Variants in FIZ1 observed in about 807,000 individuals in gnomAD.
FIZ1 encodes FLT3 interacting zinc finger 1, also known as flt3-interacting zinc finger protein 1.
Under a neutral mutation model 5.3 loss-of-function variants are expected in FIZ1, and 2 were observed. The observed-to-expected ratio is 0.37, with a 90% CI of 0.15 to 1.18. The LOEUF (loss-of-function observed/expected upper bound fraction) is 1.18, where lower values mean the gene tolerates loss of function less well. Among genes scored for constraint, FIZ1 ranks in the 50% most tolerant of loss-of-function variants. The probability of loss-of-function intolerance (pLI) is 0.37; values close to 1 mark genes in which losing one functional copy is unlikely to be tolerated. For synonymous variants in FIZ1, 407 were observed against 364.2 expected, an observed-to-expected ratio of 1.12 and a Z score of -1.34; for missense variants, 631 against 749.7, an observed-to-expected ratio of 0.84 and a Z score of 1.85.
At position 55,592,166 on chromosome 19, in the gene FIZ1, A is replaced by G; in HGVS notation, c.*284T>C. The G allele has an allele frequency of 2.2e-6, 1 of 457,572 alleles. No homozygotes were observed. The highest frequency in any genetic ancestry group is 4.0e-5 in the South Asian group (1 of 25,232). The allele number at this position is 457,572 out of a possible 1,614,324, so 28.3% of individuals were successfully genotyped here. On this transcript the variant is annotated 3_prime_UTR_variant, in exon 3 of 3. Coordinates refer to ENST00000221665, the MANE Select transcript of FIZ1 (RefSeq NM_032836.3). The surrounding 1 kb of genome is among the most constrained non-coding windows in gnomAD (Gnocchi z 6.9). Reference sequence around the variant, plus strand: ...CAAAGTCCCCATGTCTTGGGGACTTACGGCTACCCACACTCATTCCAGGGA... The same window carrying G: ...CAAAGTCCCCATGTCTTGGGGACTTGCGGCTACCCACACTCATTCCAGGGA...
At chr19:55,594,696 CAAAAAAAAAAAAAA>C (rs71181796) in intron 2 of FIZ1, among the ~76,000 whole-genome samples, 2 of 86,960 alleles carry the variant, frequency 2.3e-5, no homozygotes, top group Non-Finnish European at 4.5e-5. Context: ...GACTCTGTCT[CAAAAAAAAAAAAAA>C]AAAAAAAAGA....
At position 55,592,327 on chromosome 19, in the gene FIZ1, T is replaced by G; in HGVS notation, c.*123A>C. On this transcript the variant is annotated 3_prime_UTR_variant, in exon 3 of 3. Coordinates refer to ENST00000221665, the MANE Select transcript of FIZ1 (RefSeq NM_032836.3). This position sits in a 1 kb window ranked among gnomAD's most constrained non-coding sequence, Gnocchi z 6.9. ...CACCTCTCCAGTCAGGGTCCCCTCATTTCAGGGCCTGCGTCTGGATTTGGA... is the reference window on the plus strand; with the variant it reads ...CACCTCTCCAGTCAGGGTCCCCTCAGTTCAGGGCCTGCGTCTGGATTTGGA... 1.9e-6 allele frequency: 2 copies of G among 1,051,760 alleles called. No homozygotes were observed. Among genetic ancestry groups the G allele is most frequent in the Non-Finnish European group, 2.7e-6 (2 of 752,576 alleles). 65.2% of individuals were successfully genotyped at this position (1,051,760 alleles called of 1,614,324 possible). A position where few individuals can be genotyped will look rare whatever the true frequency, so the allele number is the denominator to read the frequency against.
At position 55,593,386 on chromosome 19, in the gene FIZ1, C is replaced by A; in HGVS notation, c.555G>T (p.Gly185=). Residue 185 remains glycine, a synonymous_variant, in exon 3 of 3, where the codon GGG becomes GGT. Coordinates refer to ENST00000221665, the MANE Select transcript of FIZ1 (RefSeq NM_032836.3). This position sits in a 1 kb window ranked among gnomAD's most constrained non-coding sequence, Gnocchi z 6.3. ...CGGCCGCAGCTGCCGCCTCTGCCAG[C>A]CCCCAGCTGCCCAGACCCGCGCCTG... ...EGAGAGLGSW[G]LAEAAAAAAA... is the part of the protein sequence containing the mutation. 5 of 1,389,850 alleles carry A rather than the reference C, an allele frequency of 3.6e-6. No individual in the cohort carries two copies. Among genetic ancestry groups the A allele is most frequent in the South Asian group, 1.6e-5 (1 of 62,178 alleles). 86.1% of individuals were successfully genotyped at this position (1,389,850 alleles called of 1,614,324 possible).
chr19:55,592,455 C>T lies in FIZ1; in HGVS notation c.1486G>A (p.Asp496Asn). ...GGGCGCACGCAGCCTGGCAGTCAGT[C>T]CATGCCCCGGTGCAGCTTCAGGTGC... ...SRHLKLHRGM[D>N] Residue 496 changes from aspartate (D) to asparagine (N), a missense_variant, in exon 3 of 3, where the codon GAC (aspartate) becomes AAC (asparagine). Physicochemically the swap from Asp to Asn is conservative, Grantham distance 23. Transcript: ENST00000221665. The surrounding 1 kb of genome is among the most constrained non-coding windows in gnomAD (Gnocchi z 6.9). 6.4e-7 allele frequency: 1 copy of T among 1,564,704 alleles called. No homozygotes were observed. Among genetic ancestry groups the T allele is most frequent in the African/African-American group, 1.3e-5 (1 of 74,302 alleles).
In FIZ1 at chr19:55,597,776, C is replaced by G; in HGVS notation, c.90G>C (p.Lys30Asn). The change falls in exon 2 of 3, where the codon AAG (lysine) becomes AAC (asparagine). Residue 30 changes from lysine to asparagine, a missense_variant. This residue lies in a region of FIZ1 where 68 missense variants were observed against 163.4 expected (regional missense o/e 0.42). Coordinates refer to ENST00000221665, the MANE Select transcript of FIZ1 (RefSeq NM_032836.3). ...GCAGGTCTGAGCGGTAGCGGAAGCT[C>G]TTGCCACATTCACTGCAGTGAAACG... Reference protein sequence around the residue: ...RVPFHCSECGKSFRYRSDLRR... With the variant: ...RVPFHCSECGNSFRYRSDLRR... The G allele has an allele frequency of 6.2e-7, 1 of 1,613,876 alleles. No homozygotes were observed. Among genetic ancestry groups the G allele is most frequent in the Non-Finnish European group, 8.5e-7 (1 of 1,179,930 alleles).
intron 1 of FIZ1, 30 bp from the exon 2 acceptor site, chr19:55,597,931 T>TG: frequency 1.3e-6 from 2 of 1,490,934 alleles, no homozygotes; most frequent in Non-Finnish European, 1.8e-6. Flanking sequence ...GAGGAGCAGG[T>TG]GAGGGGGTCG....
At chr19:55,595,243 G>C (rs1980269183) in intron 2 of FIZ1, among the ~76,000 whole-genome samples, 1 of 152,204 alleles carries the variant, frequency 6.6e-6, no homozygotes, top group Non-Finnish European at 1.5e-5. Context: ...AGAAGGAACA[G>C]GGAGTGATGT....
chr19:55,593,148 C>T lies in FIZ1; in HGVS notation c.793G>A (p.Ala265Thr), dbSNP rs757109259. ...GTCTCGGGCCCTGCGCCTGGCCCCG[C>T]GGCCCAGGCCTGCGCTGGGGGCGCG... Reference protein sequence around the residue: ...PGAPPAQAWAAGPGAGPETAG... With the variant: ...PGAPPAQAWATGPGAGPETAG... The change falls in exon 3 of 3, where the codon GCG becomes ACG. Residue 265 changes from alanine to threonine, a missense_variant. Transcript: ENST00000221665. The surrounding 1 kb of genome is among the most constrained non-coding windows in gnomAD (Gnocchi z 6.3). 8.5e-7 allele frequency: 1 copy of T among 1,181,840 alleles called. No homozygotes were observed. Among genetic ancestry groups the T allele is most frequent in the Non-Finnish European group, 1.0e-6 (1 of 952,844 alleles). 73.2% of individuals were successfully genotyped at this position (1,181,840 alleles called of 1,614,324 possible).
At chr19:55,595,250 A>C (rs1361700811) in intron 2 of FIZ1, among the ~76,000 whole-genome samples, 3 of 152,122 alleles carry the variant, frequency 2.0e-5, no homozygotes, top group Admixed American at 1.3e-4. Context: ...ACAGGGAGTG[A>C]TGTTCATTTG....
Position 55,592,669 on chromosome 19 carries a change from G to C in FIZ1, c.1272C>G (p.Arg424=). 2 of 1,613,456 alleles carry C rather than the reference G, an allele frequency of 1.2e-6. No homozygotes were observed. The highest frequency in any genetic ancestry group is 1.7e-6 in the Non-Finnish European group (2 of 1,179,896). The change falls in exon 3 of 3, where the codon CGC becomes CGG. Residue 424 remains arginine, a synonymous_variant. Transcript: ENST00000221665. This position sits in a 1 kb window ranked among gnomAD's most constrained non-coding sequence, Gnocchi z 6.9. ...CGTGCCGCTCCAGGTCTCGCGGTGA[G>C]CGGAACAGCTTCTCGCACTCGGAGC... is the stretch of plus-strand genomic sequence containing the variant. The part of the protein sequence containing the change: ...FGCSECEKLF[R]SPRDLERHVL...
rs1410656595 is a variant in FIZ1 at position 55,593,491 on chromosome 19, G to C, written c.450C>G (p.Pro150=). 2 of 1,549,280 alleles carry C rather than the reference G, an allele frequency of 1.3e-6. No individual in the cohort carries two copies. Among genetic ancestry groups the C allele is most frequent in the South Asian group, 1.2e-5 (1 of 83,946 alleles). Residue 150 remains proline (P), a synonymous_variant, in exon 3 of 3, where the codon CCC becomes CCG. Transcript: ENST00000221665. The surrounding 1 kb of genome is among the most constrained non-coding windows in gnomAD (Gnocchi z 6.3). ...GCCCCACATTGCAGCAGACGGAGCA[G>C]GGCGCACTCAAGGCGGGCAGGCCAG... ...PGPGLPALSA[P]CSVCCNVGPC...
At position 55,592,147 on chromosome 19, in the gene FIZ1, C is replaced by A. The variant is rs1980033036; in HGVS notation, c.*303G>T. ...GGAGACCCATTGCTCACTGCAAAGT[C>A]CCCATGTCTTGGGGACTTACGGCTA... On this transcript the variant is annotated 3_prime_UTR_variant, in exon 3 of 3. Transcript: ENST00000221665. The surrounding 1 kb of genome is among the most constrained non-coding windows in gnomAD (Gnocchi z 6.9). The A allele has an allele frequency of 7.1e-6, 3 of 420,892 alleles. No homozygotes were observed. The highest frequency in any genetic ancestry group is 7.8e-5 in the East Asian group (2 of 25,672). 26.1% of individuals were successfully genotyped at this position (420,892 alleles called of 1,614,324 possible).
At chr19:55,597,494 C>T in intron 2 of FIZ1, 78 bp downstream of exon 2, 2 of 1,500,486 alleles carry the variant, frequency 1.3e-6, no homozygotes, top group South Asian at 2.6e-5. Context: ...TTCCTTTTGC[C>T]CAGAGTACAG....
At position 55,593,119 on chromosome 19, in the gene FIZ1, C is replaced by T. The variant is rs1980116920; in HGVS notation, c.822G>A (p.Ala274=). Reference sequence around the variant, plus strand: ...CCGCCTCCGCAGCGGTGCCTTCGCCCGCCGTCTCGGGCCCTGCGCCTGGCC... The same window carrying T: ...CCGCCTCCGCAGCGGTGCCTTCGCCTGCCGTCTCGGGCCCTGCGCCTGGCC... ...AAGPGAGPET[A]GEGTAAEAGD... is the part of the protein sequence containing the mutation. Residue 274 remains alanine, a synonymous_variant, in exon 3 of 3, where the codon GCG becomes GCA. Transcript: ENST00000221665. The surrounding 1 kb of genome is among the most constrained non-coding windows in gnomAD (Gnocchi z 6.3). 3.9e-6 allele frequency: 5 copies of T among 1,276,720 alleles called. No homozygotes were observed. The highest frequency in any genetic ancestry group is 1.6e-5 in the African/African-American group (1 of 61,810). The allele number at this position is 1,276,720 out of a possible 1,614,324, so 79.1% of individuals were successfully genotyped here.
chr19:55,596,021 TC>T (rs1312190129), intron 2 of FIZ1, among the ~76,000 whole-genome samples: 1 of 152,144 alleles, frequency 6.6e-6, no homozygotes, highest in Non-Finnish European at 1.5e-5. Flanking sequence ...CTATTTTTTT[TC>T]CCCCAGAGAG....
At position 55,591,627 on chromosome 19, in the gene FIZ1, C is replaced by T. The variant is rs184739562; in HGVS notation, c.*823G>A. 2 of 152,442 alleles carry T rather than the reference C, an allele frequency of 1.3e-5. No individual in the cohort carries two copies. The highest frequency in any genetic ancestry group is 2.9e-5 in the Non-Finnish European group (2 of 68,064). 9.4% of individuals were successfully genotyped at this position (152,442 alleles called of 1,614,324 possible). On this transcript the variant is annotated 3_prime_UTR_variant, in exon 3 of 3. Transcript: ENST00000221665. Reference sequence around the variant, plus strand: ...TCACAGGATAAAGAATTGCGTGGACCGGTCCACACGCTACAGGAAAAGAGA... The same window carrying T: ...TCACAGGATAAAGAATTGCGTGGACTGGTCCACACGCTACAGGAAAAGAGA...
Position 55,593,536 on chromosome 19 carries a change from G to A in FIZ1, c.405C>T (p.Pro135=), listed in dbSNP as rs950647216. 53 of 1,550,680 alleles carry A rather than the reference G, an allele frequency of 3.4e-5. No individual in the cohort carries two copies. Among genetic ancestry groups the A allele is most frequent in the Non-Finnish European group, 4.3e-5 (49 of 1,146,902 alleles). Residue 135 remains proline (P), a synonymous_variant, in exon 3 of 3, where the codon CCC becomes CCT. Transcript: ENST00000221665. The surrounding 1 kb of genome is among the most constrained non-coding windows in gnomAD (Gnocchi z 6.3). ...HLKRQHRGVL[P]SPLQPGPGLP... ...GGCCAGGGCCGGGCTGCAGGGGAGA[G>A]GGGAGAACCCCACGGTGCTGGCGCT... is the stretch of plus-strand genomic sequence containing the variant.
intron 2 of FIZ1, chr19:55,595,606 T>G (rs560112566): frequency 6.6e-6 from 1 of 152,264 alleles, no homozygotes; most frequent in Admixed American, 6.5e-5. Context: ...AGTGACCACA[T>G]TGGTTTTGCT....
chr19:55,596,973 T>C (rs755596831), intron 2 of FIZ1, among the ~76,000 whole-genome samples: 3 of 152,198 alleles, frequency 2.0e-5, no homozygotes, highest in Non-Finnish European at 2.9e-5. Context: ...GCCTGGCCAG[T>C]ATTTTTTTGT....
Sources: allele counts gnomAD v4.1 joint callset (sites outside exome capture counted in the v4.1 genomes callset), GRCh38; gene constraint gnomAD v4.1.1; regional missense constraint gnomAD v4.1.1; non-coding constraint Gnocchi (gnomAD v3.1); transcripts MANE v1.5; gene names NCBI Gene and HGNC (gene_info 2026-07-23, HGNC 2026-07-21).